Variants in SERINC4 observed in about 807,000 individuals in gnomAD.
The protein encoded by SERINC4 is serine incorporator 4.
In SERINC4, 52 loss-of-function variants were observed where a neutral mutation model predicts 52.0. The observed-to-expected ratio is 1.00, with a 90% CI of 0.80 to 1.26. The LOEUF is 1.26. SERINC4 is among the 50% of genes most tolerant of loss of function. The pLI is 0.00. For missense variants in SERINC4, 723 were observed against 632.8 expected (o/e 1.14, Z -1.53); for synonymous variants, 264 against 247.7 (o/e 1.07, Z -0.62).
intron 11 of SERINC4, 39 bp downstream of exon 11, chr15:43,795,349 A>G (rs1258158682): frequency 6.2e-7 from 1 of 1,610,430 alleles, no homozygotes; most frequent in Admixed American, 1.7e-5. Context: ...TAAAATAGCT[A>G]GCTCTTCAGG....
chr15:43,797,987 C>T lies in SERINC4; in HGVS notation c.565G>A (p.Gly189Ser). Residue 189 changes from glycine to serine, a missense_variant, in exon 5 of 12, where the codon GGC (glycine) becomes AGC (serine). Transcript: ENST00000319327. ...AACTGCAGTAGGATGAATGCAAAGCCTCCACAGATGCCAATGTAATGCCAT... is the reference window on the plus strand; with the variant it reads ...AACTGCAGTAGGATGAATGCAAAGCTTCCACAGATGCCAATGTAATGCCAT... ...PAWHYIGICGGFAFILLQLVL... is the reference protein window; with the variant it reads ...PAWHYIGICGSFAFILLQLVL... 2.5e-6 allele frequency: 4 copies of T among 1,613,794 alleles called. No homozygotes were observed. The highest frequency in any genetic ancestry group is 3.4e-6 in the Non-Finnish European group (4 of 1,179,734).
At position 43,798,473 on chromosome 15, in the gene SERINC4, C is replaced by T. The variant is rs576292403; in HGVS notation, c.490G>A (p.Gly164Ser). 3.0e-5 allele frequency: 48 copies of T among 1,613,882 alleles called. No homozygotes were observed. In the South Asian group the frequency reaches 4.9e-4, roughly 17 times the overall value. The change falls in exon 4 of 12, where the codon GGT becomes AGT. Residue 164 changes from glycine (G) to serine (S), a missense_variant. Physicochemically the swap from Gly to Ser is moderately conservative, Grantham distance 56. Transcript: ENST00000319327. ...ATGCAGAAGGCAATAGCACAGAGAC[C>T]TAACAGGAACAGCAGCTTGAGGAGC... ...FWLLKLLFLLGLCAIAFCIPD... is the reference protein window; with the variant it reads ...FWLLKLLFLLSLCAIAFCIPD...
chr15:43,796,527 T>C, intron 8 of SERINC4, 89 bp downstream of exon 8: 2 of 1,432,028 alleles, frequency 1.4e-6, no homozygotes, highest in Non-Finnish European at 1.9e-6. Context: ...CTCTAAACTT[T>C]AAATAATGGT....
Position 43,795,683 on chromosome 15 carries a change from C to T in SERINC4, c.1189+5G>A, listed in dbSNP as rs1273259191. On this transcript the variant is annotated splice_donor_5th_base_variant and intron_variant, in intron 10 of 11. Coordinates refer to ENST00000319327, the MANE Select transcript of SERINC4 (RefSeq NM_001258031.2). The stretch of plus-strand genomic sequence containing the variant: ...ACTTCTTATGGTTCCTCACTTGGCA[C>T]TCACCTTTGTCTGCCTCCACTGTTT... 2 of 1,613,880 alleles carry T rather than the reference C, an allele frequency of 1.2e-6. No individual in the cohort carries two copies. Among genetic ancestry groups the T allele is most frequent in the Non-Finnish European group, 1.7e-6 (2 of 1,179,830 alleles).
rs1265212740 is a variant in SERINC4 at position 43,797,323 on chromosome 15, GA to G, written c.665del (p.Phe222SerfsTer9). On this transcript the variant is annotated frameshift_variant, in exon 6 of 12. Coordinates refer to ENST00000319327, the MANE Select transcript of SERINC4 (RefSeq NM_001258031.2). LOFTEE classifies it high-confidence loss of function. ...CTAGGGTGGCCAGCAGGACAGCCAG[GA>G]ACCAGCTACAGTCTTGAGCTGCACC... ...QTGAAQDCSWFLAVLLATLGF... is the reference protein window; with the variant it reads ...QTGAAQDCSWXLAVLLATLGF... The G allele has an allele frequency of 6.5e-7, 1 of 1,548,948 alleles. No individual in the cohort carries two copies. Among genetic ancestry groups the G allele is most frequent in the Admixed American group, 2.0e-5 (1 of 50,978 alleles).
rs1440457995 is a variant in SERINC4, at chr15:43,795,135, C to A, written c.1422G>T (p.Trp474Cys). The change falls in exon 12 of 12, where the codon TGG (tryptophan) becomes TGT (cysteine). Residue 474 changes from tryptophan to cysteine, a missense_variant. Trp to Cys is a radical substitution (Grantham distance 215, BLOSUM62 -2). Coordinates refer to ENST00000319327, the MANE Select transcript of SERINC4 (RefSeq NM_001258031.2). ...GCCCCAGATAGAGGAGTACGCAGGC[C>A]CAGCATGAGGCAACCTTGACCCAGA... ...ATFWVKVASC[W>C]ACVLLYLGLL... 6.2e-7 allele frequency: 1 copy of A among 1,614,060 alleles called. No homozygotes were observed.
chr15:43,800,055 C>T lies in SERINC4; in HGVS notation c.-69G>A. On this transcript the variant is annotated 5_prime_UTR_variant, in exon 1 of 12. Coordinates refer to ENST00000319327, the MANE Select transcript of SERINC4 (RefSeq NM_001258031.2). The stretch of plus-strand genomic sequence containing the variant: ...GATGAGAGCAGCAGTTGCTTCTGTC[C>T]TCAGCCCATTGGACTGCCACTGTGT... 2.5e-6 allele frequency: 3 copies of T among 1,221,288 alleles called. No homozygotes were observed. Among genetic ancestry groups the T allele is most frequent in the African/African-American group, 1.5e-5 (1 of 66,010 alleles). The allele number at this position is 1,221,288 out of a possible 1,614,324, so 75.7% of individuals were successfully genotyped here.
chr15:43,795,544 GGAGAGAGGA>G lies in SERINC4; in HGVS notation c.1190-12_1190-4del, dbSNP rs766237941. ...CCTCGCAGCCCCACCCCTTTGCCCT[GGAGAGAGGA>G]AATGGCTGCTGGGAGCAGAGCTGCT... On this transcript the variant is annotated splice_polypyrimidine_tract_variant and splice_region_variant and intron_variant, in intron 10 of 11. Transcript: ENST00000319327. 6.2e-7 allele frequency: 1 copy of G among 1,614,106 alleles called. No homozygotes were observed. The highest frequency in any genetic ancestry group is 2.2e-5 in the East Asian group (1 of 44,888).
chr15:43,795,668 G>A lies in SERINC4; in HGVS notation c.1189+20C>T. ...CCACAGAGATCTACCACTTCTTATG[G>A]TTCCTCACTTGGCACTCACCTTTGT... is the stretch of plus-strand genomic sequence containing the variant. On this transcript the variant is annotated intron_variant, in intron 10 of 11. Transcript: ENST00000319327. 6.2e-7 allele frequency: 1 copy of A among 1,613,550 alleles called. No individual in the cohort carries two copies. Among genetic ancestry groups the A allele is most frequent in the Non-Finnish European group, 8.5e-7 (1 of 1,179,570 alleles).
chr15:43,796,499 T>C lies in SERINC4; in HGVS notation c.1067+117A>G, dbSNP rs2087218966. ...AATTTGTCCCTGTTTGTGGGGAGCT[T>C]TTCTCACTCTAGTCTTGCTCTAAAC... On this transcript the variant is annotated intron_variant, in intron 8 of 11. Transcript: ENST00000319327. 3 of 1,171,964 alleles carry C rather than the reference T, an allele frequency of 2.6e-6. No homozygotes were observed. In the Admixed American group the frequency reaches 6.3e-5, roughly 25 times the overall value. The allele number at this position is 1,171,964 out of a possible 1,614,324, so 72.6% of individuals were successfully genotyped here.
rs2087152441 is a variant in SERINC4, at chr15:43,794,399, C to T, written c.*601G>A. 2 of 165,454 alleles carry T rather than the reference C, an allele frequency of 1.2e-5. No homozygotes were observed. Among genetic ancestry groups the T allele is most frequent in the Non-Finnish European group, 2.6e-5 (2 of 76,298 alleles). 10.2% of individuals were successfully genotyped at this position (165,454 alleles called of 1,614,324 possible). On this transcript the variant is annotated 3_prime_UTR_variant, in exon 12 of 12. Transcript: ENST00000319327. ...TTTGTTCGTCTGCTTGAAAGTTGGC[C>T]AAAAAATCCTGCTGCTCACCGACTT...
At chr15:43,797,387 G>T in intron 5 of SERINC4, 31 bp from the exon 6 acceptor site, 1 of 1,502,354 alleles carries the variant, frequency 6.7e-7, no homozygotes, top group Non-Finnish European at 8.9e-7. Flanking sequence ...ATGGCTTGGA[G>T]CTCCAGCATT....
At chr15:43,795,941 G>T in intron 9 of SERINC4, 1 of 644,346 alleles carries the variant, frequency 1.6e-6, no homozygotes, top group South Asian at 2.0e-5. Flanking sequence ...TTTGTAAAAT[G>T]GAGCAAATAC....
rs961060479 is a variant in SERINC4 at position 43,795,304 on chromosome 15, T to C, written c.1343+84A>G. ...CTCACCAAATATAATGGCAGACCCA[T>C]GTGTGTCTGGAATGGCCTTGAATTG... On this transcript the variant is annotated intron_variant, in intron 11 of 11. Transcript: ENST00000319327. 6 of 1,577,276 alleles carry C rather than the reference T, an allele frequency of 3.8e-6. No homozygotes were observed. The African/African-American group carries it at 4.0e-5, about 11-fold the overall frequency.
At chr15:43,796,278 G>T in intron 8 of SERINC4, 51 bp from the exon 9 acceptor site, 1 of 1,424,336 alleles carries the variant, frequency 7.0e-7, no homozygotes, top group South Asian at 1.2e-5. Context: ...GGGATTATCT[G>T]GGGGCATTTA....
intron 10 of SERINC4, 35 bp downstream of exon 10, chr15:43,795,653 C>A (rs774611552): frequency 3.1e-6 from 5 of 1,611,984 alleles, no homozygotes; most frequent in African/African-American, 1.3e-5. Context: ...CCACAGAGAT[C>A]TACCACTTCT....
At position 43,796,629 on chromosome 15, in the gene SERINC4, C is replaced by T. The variant is rs1297062299; in HGVS notation, c.1054G>A (p.Val352Met). 6 of 1,613,958 alleles carry T rather than the reference C, an allele frequency of 3.7e-6. No individual in the cohort carries two copies. The East Asian group carries it at 1.1e-4, about 30-fold the overall frequency. The change falls in exon 8 of 12, where the codon GTG (valine) becomes ATG (methionine). Residue 352 changes from valine (V) to methionine (M), a missense_variant. Val to Met is a conservative substitution (Grantham distance 21). Coordinates refer to ENST00000319327, the MANE Select transcript of SERINC4 (RefSeq NM_001258031.2). The part of the protein sequence containing the change: ...MLSASIMYAC[V>M]LFACNEASYL... ...ACCTTTACGCACCAAGCAAAAAGCACACAAGCATACATGATGCTAGCACTC... is the reference window on the plus strand; with the variant it reads ...ACCTTTACGCACCAAGCAAAAAGCATACAAGCATACATGATGCTAGCACTC...
In SERINC4 at chr15:43,795,228, G is replaced by A; in HGVS notation, c.1344-15C>T. On this transcript the variant is annotated splice_polypyrimidine_tract_variant and intron_variant, in intron 11 of 11. Transcript: ENST00000319327. ...CTCCCTCATAGCTGTGTAACCAAAGGCTCTGGTTAGAGAATATGAAGGGCC... is the reference window on the plus strand; with the variant it reads ...CTCCCTCATAGCTGTGTAACCAAAGACTCTGGTTAGAGAATATGAAGGGCC... 6.2e-7 allele frequency: 1 copy of A among 1,611,806 alleles called. No individual in the cohort carries two copies.
chr15:43,799,974 T>A lies in SERINC4; in HGVS notation c.13A>T (p.Lys5Ter). 6.5e-7 allele frequency: 1 copy of A among 1,541,848 alleles called. No individual in the cohort carries two copies. The highest frequency in any genetic ancestry group is 8.7e-7 in the Non-Finnish European group (1 of 1,143,886). The change falls in exon 1 of 12, where the codon AAG becomes TAG. Residue 5 changes from lysine to a stop codon, truncating the protein, a stop_gained. Coordinates refer to ENST00000319327, the MANE Select transcript of SERINC4 (RefSeq NM_001258031.2). LOFTEE classifies it high-confidence loss of function. ...GAGGTGCCGGGGCTGGGGCCGGCCT[T>A]GGCACCCACCATCCTTGTCCCAGGG... MVGA[K>*]AGPSPGTSLG...
Sources: allele counts gnomAD v4.1 joint callset, GRCh38; gene constraint gnomAD v4.1.1; transcripts MANE v1.5; gene names NCBI Gene and HGNC (gene_info 2026-07-23, HGNC 2026-07-21).